Variants in PDSS2 observed in about 807,000 individuals in gnomAD.
The protein encoded by PDSS2 is decaprenyl diphosphate synthase subunit 2.
A neutral mutation model predicts 44.5 loss-of-function variants in PDSS2; 31 were observed. The ratio of observed to expected loss-of-function variants is 0.70; its 90% confidence interval spans 0.52 to 0.94. The LOEUF is 0.94. PDSS2 is among the 40% of genes least tolerant of loss of function. The pLI is 0.00. For synonymous variants in PDSS2, 157 were observed against 180.3 expected, an observed-to-expected ratio of 0.87 and a Z score of 1.03; for missense variants, 452 against 482.2, an observed-to-expected ratio of 0.94 and a Z score of 0.59.
At chr6:107,380,811 A>C (rs376504523) in intron 1 of PDSS2, among the ~76,000 whole-genome samples, 5 of 151,924 alleles carry the variant, frequency 3.3e-5, no homozygotes, top group African/African-American at 1.2e-4. Flanking sequence ...TCAGTTTTTC[A>C]TTTTTTTCCT....
chr6:107,251,276 G>T (rs1241159564), intron 3 of PDSS2, among the ~76,000 whole-genome samples: 1 of 152,206 alleles, frequency 6.6e-6, no homozygotes, highest in Non-Finnish European at 1.5e-5. Flanking sequence ...CTTGAAAAAG[G>T]TTGCTTTATA....
intron 4 of PDSS2, among the ~76,000 whole-genome samples, chr6:107,224,992 A>G (rs760504692): frequency 6.7e-6 from 1 of 149,622 alleles, no homozygotes; most frequent in African/African-American, 2.5e-5. Context: ...TCCAAGCTCA[A>G]TTAAATGGTT....
At chr6:107,180,610 A>G (rs1771939489) in intron 7 of PDSS2, among the ~76,000 whole-genome samples, 1 of 152,156 alleles carries the variant, frequency 6.6e-6, no homozygotes, top group Non-Finnish European at 1.5e-5. Flanking sequence ...TTCACGGTGC[A>G]ATGGTGAGCA....
chr6:107,343,916 G>T (rs1479265328), intron 1 of PDSS2, among the ~76,000 whole-genome samples: 1 of 152,086 alleles, frequency 6.6e-6, no homozygotes, highest in Non-Finnish European at 1.5e-5. Flanking sequence ...TTGATTAAGG[G>T]TGACCTATTT....
intron 2 of PDSS2, among the ~76,000 whole-genome samples, chr6:107,326,906 G>T (rs1413834047): frequency 6.6e-6 from 1 of 151,932 alleles, no homozygotes; most frequent in Non-Finnish European, 1.5e-5. Flanking sequence ...TTTAAAATTG[G>T]TCAGTATCCA....
intron 1 of PDSS2, among the ~76,000 whole-genome samples, chr6:107,425,086 G>A (rs1562530657): frequency 6.6e-6 from 1 of 152,114 alleles, no homozygotes; most frequent in Non-Finnish European, 1.5e-5. Flanking sequence ...TGTACGATGT[G>A]CCTTGCTCCT....
Position 107,459,502 on chromosome 6 carries a change from C to A in PDSS2, c.-217G>T. 1.7e-6 allele frequency: 1 copy of A among 582,038 alleles called. No individual in the cohort carries two copies. The highest frequency in any genetic ancestry group is 3.1e-6 in the Non-Finnish European group (1 of 327,178). 36.1% of individuals were successfully genotyped at this position (582,038 alleles called of 1,614,324 possible). On this transcript the variant is annotated 5_prime_UTR_variant, in exon 1 of 8. Transcript: ENST00000369037. This position sits in a 1 kb window ranked among gnomAD's most constrained non-coding sequence, Gnocchi z 4.3. The stretch of plus-strand genomic sequence containing the variant: ...ACAACAGTCCCAGCTCAGCACTGCC[C>A]CCGGCCACCCGGGGTAGAAACCACA...
chr6:107,366,442 T>G (rs955619189), intron 1 of PDSS2, among the ~76,000 whole-genome samples: 3 of 151,924 alleles, frequency 2.0e-5, no homozygotes, highest in Admixed American at 2.0e-4. Flanking sequence ...TAATCTAAGC[T>G]TCCATGTTAA....
chr6:107,290,557 G>A (rs532449006), intron 2 of PDSS2, among the ~76,000 whole-genome samples: 42 of 151,566 alleles, frequency 2.8e-4, no homozygotes, highest in Non-Finnish European at 4.3e-4. Flanking sequence ...CATTCCCTTT[G>A]CTTTTCCCCC....
chr6:107,459,061 G>A lies in PDSS2; in HGVS notation c.225C>T (p.Asp75=), dbSNP rs755697671. Reference sequence around the variant, plus strand: ...CCTGCATAGCGATGTTGCTGAGCTCGTCGCTCAGCAGGCAGCGAAGGCTCA... The same window carrying A: ...CCTGCATAGCGATGTTGCTGAGCTCATCGCTCAGCAGGCAGCGAAGGCTCA... ...SFMSLRCLLS[D]ELSNIAMQVR... Residue 75 remains aspartate, a synonymous_variant, in exon 1 of 8, where the codon GAC becomes GAT. Coordinates refer to ENST00000369037, the MANE Select transcript of PDSS2 (RefSeq NM_020381.4). This position sits in a 1 kb window ranked among gnomAD's most constrained non-coding sequence, Gnocchi z 4.3. 3 of 1,613,886 alleles carry A rather than the reference G, an allele frequency of 1.9e-6. No individual in the cohort carries two copies. Among genetic ancestry groups the A allele is most frequent in the Admixed American group, 3.3e-5 (2 of 60,030 alleles).
At chr6:107,254,855 A>G (rs1190504897) in intron 3 of PDSS2, among the ~76,000 whole-genome samples, 1 of 150,226 alleles carries the variant, frequency 6.7e-6, no homozygotes, top group Non-Finnish European at 1.5e-5. Flanking sequence ...ATACATGTGC[A>G]TATATAAAAC....
intron 1 of PDSS2, among the ~76,000 whole-genome samples, chr6:107,421,692 C>T (rs532209040): frequency 2.6e-5 from 4 of 151,466 alleles, no homozygotes; most frequent in East Asian, 2.0e-4. Context: ...ATTCCTGGTG[C>T]TGCACTTTGT....
chr6:107,422,273 A>G (rs1780851194), intron 1 of PDSS2, among the ~76,000 whole-genome samples: 3 of 152,162 alleles, frequency 2.0e-5, no homozygotes, highest in Middle Eastern at 3.4e-3. Flanking sequence ...TCAAATACTA[A>G]TATTAGTATT....
chr6:107,456,072 C>A (rs530459864), intron 1 of PDSS2, among the ~76,000 whole-genome samples: 2 of 152,276 alleles, frequency 1.3e-5, no homozygotes, highest in South Asian at 4.1e-4. Flanking sequence ...CCTATAATCC[C>A]GGCACTTTGG....
chr6:107,384,613 T>C (rs1322704305), intron 1 of PDSS2, among the ~76,000 whole-genome samples: 11 of 147,166 alleles, frequency 7.5e-5, no homozygotes, highest in Non-Finnish European at 1.6e-4. Flanking sequence ...TGCATTCCAG[T>C]CCAGCCAACA....
chr6:107,186,653 C>T (rs1465082457), intron 7 of PDSS2, among the ~76,000 whole-genome samples: 5 of 152,140 alleles, frequency 3.3e-5, no homozygotes, highest in South Asian at 2.1e-4. Flanking sequence ...TGTTCCCCTC[C>T]CTGTGTCCAT....
intron 1 of PDSS2, among the ~76,000 whole-genome samples, chr6:107,418,600 C>T (rs774129517): frequency 2.1e-4 from 32 of 151,912 alleles, no homozygotes; most frequent in African/African-American, 7.7e-4. Context: ...GATGATACCC[C>T]GCATCTGCCA....
chr6:107,184,046 G>A (rs1200857365), intron 7 of PDSS2, among the ~76,000 whole-genome samples: 1 of 152,046 alleles, frequency 6.6e-6, no homozygotes, highest in African/African-American at 2.4e-5. Context: ...ACATCTTTGC[G>A]GGGCTAGAGA....
At chr6:107,437,784 A>G (rs2114788181) in intron 1 of PDSS2, among the ~76,000 whole-genome samples, 1 of 152,282 alleles carries the variant, frequency 6.6e-6, no homozygotes, top group East Asian at 1.9e-4. Flanking sequence ...CATTTTGTTC[A>G]AAGGTCAACT....
Sources: allele counts gnomAD v4.1 joint callset (sites outside exome capture counted in the v4.1 genomes callset), GRCh38; gene constraint gnomAD v4.1.1; non-coding constraint Gnocchi (gnomAD v3.1); transcripts MANE v1.5; gene names NCBI Gene and HGNC (gene_info 2026-07-23, HGNC 2026-07-21).